The following CD3E variants were observed in gnomAD, a reference collection of about 807,000 sequenced individuals.
CD3E encodes CD3 epsilon subunit of T-cell receptor complex, also known as T-cell surface glycoprotein CD3 epsilon chain.
Under a neutral mutation model 34.7 loss-of-function variants are expected in CD3E, and 16 were observed. The ratio of observed to expected loss-of-function variants is 0.46; its 90% CI spans 0.31 to 0.70. CD3E has a LOEUF of 0.70. Ranked by LOEUF, CD3E falls within the 30% of genes least tolerant of loss-of-function variation. The probability of loss-of-function intolerance (pLI) is 0.05; values close to 1 mark genes in which losing one functional copy is unlikely to be tolerated. For synonymous variants in CD3E, 70 were observed against 90.8 expected (o/e 0.77, Z 1.30); for missense variants, 223 against 253.9 (o/e 0.88, Z 0.83).
In CD3E at chr11:118,312,424, A is replaced by C. The variant is rs1225354251; in HGVS notation, c.104-194A>C. On this transcript the variant is annotated intron_variant, in intron 5 of 8. Transcript: ENST00000361763. ...CTCAAAAGGTTCTCTAGTTCCCTTC[A>C]AGGTTCTCTAGTTCCCTTCATTCCA... 5 of 737,006 alleles carry C rather than the reference A, an allele frequency of 6.8e-6. No individual in the cohort carries two copies. The East Asian group carries it at 1.0e-4, about 15-fold the overall frequency. The allele number at this position is 737,006 out of a possible 1,614,324, so 45.7% of individuals were successfully genotyped here.
chr11:118,313,221 A>G (rs575104578), intron 6 of CD3E: 2 of 375,954 alleles, frequency 5.3e-6, no homozygotes, highest in Non-Finnish European at 1.0e-5. Flanking sequence ...GGTTTGCAAA[A>G]AACACTCAAG....
rs371343256 is a variant in CD3E, at chr11:118,312,489, C to T, written c.104-129C>T. On this transcript the variant is annotated intron_variant, in intron 5 of 8. Coordinates refer to ENST00000361763, the MANE Select transcript of CD3E (RefSeq NM_000733.4). ...CACACCCTCTAGCCAGTAGAGCTCCCTTCTGACAAGCAAGTCTAAGATCTA... is the reference window on the plus strand; with the variant it reads ...CACACCCTCTAGCCAGTAGAGCTCCTTTCTGACAAGCAAGTCTAAGATCTA... The T allele has an allele frequency of 1.5e-3, 1,639 of 1,105,220 alleles. 43 individuals carry two copies. In the South Asian group the frequency reaches 0.021, roughly 14 times the overall value. The allele number at this position is 1,105,220 out of a possible 1,614,324, so 68.5% of individuals were successfully genotyped here.
chr11:118,306,063 A>G (rs1252494384), intron 2 of CD3E, among the ~76,000 whole-genome samples: 1 of 152,158 alleles, frequency 6.6e-6, no homozygotes. Context: ...TACGCTCTCA[A>G]GTTTATTAAT....
rs3819250 is a variant in CD3E, at chr11:118,314,631, G to A, written c.567+137G>A. On this transcript the variant is annotated intron_variant, in intron 8 of 8. Transcript: ENST00000361763. ...CAGGGCTTCCATTACAACCCTCTAT[G>A]TGCCACCTCTGCGTCCTTCATGGTA... The A allele has an allele frequency of 0.3, 223,510 of 748,988 alleles. 36,380 individuals are homozygous for A. Among genetic ancestry groups the A allele is most frequent in the Admixed American group, 0.46 (22,619 of 48,932 alleles). 46.4% of individuals were successfully genotyped at this position (748,988 alleles called of 1,614,324 possible).
Position 118,312,654 on chromosome 11 carries a change from T to C in CD3E, c.140T>C (p.Leu47Ser). 6.2e-7 allele frequency: 1 copy of C among 1,614,116 alleles called. No individual in the cohort carries two copies. The highest frequency in any genetic ancestry group is 8.5e-7 in the Non-Finnish European group (1 of 1,179,986). Residue 47 changes from leucine to serine, a missense_variant, in exon 6 of 9, where the codon TTG (leucine) becomes TCG (serine). Coordinates refer to ENST00000361763, the MANE Select transcript of CD3E (RefSeq NM_000733.4). ...TCCATCTCTGGAACCACAGTAATAT[T>C]GACATGCCCTCAGTATCCTGGATCT... ...KVSISGTTVI[L>S]TCPQYPGSEI... is the part of the protein sequence containing the mutation.
rs115631718 is a variant in CD3E, at chr11:118,306,653, G to A, written c.50-635G>A. ...TGTGTAGAGGTTTCAGTAAAAGAAA[G>A]GCCTAGGTGTGCAGAAAGCTTTCAG... On this transcript the variant is annotated intron_variant, in intron 2 of 8. Transcript: ENST00000361763. Among the ~76,000 whole-genome samples, 796 of 152,220 alleles carry A rather than the reference G, an allele frequency of 5.2e-3. 11 individuals are homozygous for A. Among genetic ancestry groups the A allele is most frequent in the African/African-American group, 0.018 (749 of 41,542 alleles).
chr11:118,312,214 G>C (rs1948139448), intron 5 of CD3E, 44 bp downstream of exon 5: 1 of 1,547,298 alleles, frequency 6.5e-7, no homozygotes, highest in African/African-American at 1.4e-5. Flanking sequence ...TGAGGATGCA[G>C]ATTGGTGGGT....
chr11:118,312,401 C>T, intron 5 of CD3E: 3 of 706,614 alleles, frequency 4.2e-6, no homozygotes, highest in Non-Finnish European at 7.2e-6. Context: ...AGCCACCTCT[C>T]AAAAGGTTCT....
chr11:118,313,852 G>A lies in CD3E; in HGVS notation c.498G>A (p.Ala166=), dbSNP rs78373007. 4.6e-4 allele frequency: 746 copies of A among 1,613,540 alleles called. 2 individuals carry two copies. In the African/African-American group the frequency reaches 9.0e-3, roughly 19 times the overall value. Residue 166 remains alanine, a synonymous_variant, in exon 7 of 9, where the codon GCG becomes GCA. Coordinates refer to ENST00000361763, the MANE Select transcript of CD3E (RefSeq NM_000733.4). ...AGGCCAAGCCTGTGACACGAGGAGC[G>A]GGTGCTGGCGGCAGGCAAAGGGGTA... The part of the protein sequence containing the change: ...KAKAKPVTRG[A]GAGGRQRGQN...
At chr11:118,309,630 G>A (rs1948125570) in intron 4 of CD3E, among the ~76,000 whole-genome samples, 1 of 152,178 alleles carries the variant, frequency 6.6e-6, no homozygotes, top group Non-Finnish European at 1.5e-5. Context: ...TTAATACATG[G>A]AAAGCATGCT....
chr11:118,310,980 A>AAGGAACGG, intron 4 of CD3E, among the ~76,000 whole-genome samples: 1 of 152,158 alleles, frequency 6.6e-6, no homozygotes, highest in East Asian at 1.9e-4. Context: ...GGACCTCAAG[A>AAGGAACGG]AGGAAAGGAG....
chr11:118,312,223 GT>G, intron 5 of CD3E, 53 bp downstream of exon 5: 1 of 1,496,304 alleles, frequency 6.7e-7, no homozygotes, highest in Non-Finnish European at 9.3e-7. Context: ...AGATTGGTGG[GT>G]AGATGAGAAG....
intron 5 of CD3E, 40 bp downstream of exon 5, chr11:118,312,210 T>C: frequency 6.4e-7 from 1 of 1,557,136 alleles, no homozygotes; most frequent in Non-Finnish European, 8.9e-7. Flanking sequence ...TGTCTGAGGA[T>C]GCAGATTGGT....
At chr11:118,314,245 G>A (rs1045742079) in intron 7 of CD3E, among the ~76,000 whole-genome samples, 2 of 151,996 alleles carry the variant, frequency 1.3e-5, no homozygotes, top group African/African-American at 4.8e-5. Flanking sequence ...GCTGAGGAAA[G>A]TCACAAAATG....
intron 2 of CD3E, among the ~76,000 whole-genome samples, 179 bp downstream of exon 2, chr11:118,305,180 G>T (rs909260374): frequency 6.6e-6 from 1 of 152,262 alleles, no homozygotes; most frequent in Admixed American, 6.5e-5. Context: ...GGCCACGGGT[G>T]CCTGGGAGAG....
At chr11:118,305,900 G>A (rs1412549951) in intron 2 of CD3E, among the ~76,000 whole-genome samples, 7 of 152,138 alleles carry the variant, frequency 4.6e-5, no homozygotes, top group East Asian at 3.8e-4. Context: ...TGGTGCTCCC[G>A]TCTCAGACCC....
At position 118,306,409 on chromosome 11, in the gene CD3E, C is replaced by T. The variant is rs542642992; in HGVS notation, c.50-879C>T. On this transcript the variant is annotated intron_variant, in intron 2 of 8. Coordinates refer to ENST00000361763, the MANE Select transcript of CD3E (RefSeq NM_000733.4). ...ACTTGGGAGGCTGAGGTGGAAGGAT[C>T]ACTTGAGCCCAGGAGGTCGAGGCTG... Among the ~76,000 whole-genome samples the T allele has an allele frequency of 9.9e-5, 15 of 152,010 alleles. No homozygotes were observed. In the South Asian group the frequency reaches 2.9e-3, roughly 29 times the overall value.
rs1394612289 is a variant in CD3E, at chr11:118,312,612, C to T, written c.104-6C>T. On this transcript the variant is annotated splice_polypyrimidine_tract_variant and splice_region_variant and intron_variant, in intron 5 of 8. Transcript: ENST00000361763. ...TCTTCTGCCAATTTCCCTTCTTTCT[C>T]CCCAGCATATAAAGTCTCCATCTCT... 1 of 1,614,016 alleles carries T rather than the reference C, an allele frequency of 6.2e-7. No homozygotes were observed. Among genetic ancestry groups the T allele is most frequent in the Admixed American group, 1.7e-5 (1 of 60,004 alleles).
chr11:118,313,025 A>C, intron 6 of CD3E, 159 bp downstream of exon 6: 1 of 815,810 alleles, frequency 1.2e-6, no homozygotes, highest in South Asian at 1.4e-5. Context: ...ACACGGCATC[A>C]GTGTTTTCTG....
Sources: gnomAD v4.1 joint callset for allele counts (sites outside exome capture counted in the v4.1 genomes callset) on GRCh38, gnomAD v4.1.1 for gene constraint, MANE v1.5 for transcripts, NCBI Gene and HGNC (gene_info 2026-07-23, HGNC 2026-07-21) for gene names.